GSDMC: variants seen among roughly 807,000 people sequenced by gnomAD.
GSDMC encodes gasdermin C.
GSDMC carries 59 observed loss-of-function variants against 58.0 expected under a neutral mutation model. That is an observed-to-expected ratio of 1.02 (90% CI 0.82 to 1.26). The LOEUF is 1.26. GSDMC is among the 50% of genes most tolerant of loss of function. GSDMC has a pLI of 0.00. For synonymous variants in GSDMC, 241 were observed against 220.2 expected, an observed-to-expected ratio of 1.09 and a Z score of -0.83; for missense variants, 659 against 598.5, an observed-to-expected ratio of 1.10 and a Z score of -1.06.
chr8:129,774,398 A>G (rs1263131128), intron 3 of GSDMC, among the ~76,000 whole-genome samples: 1 of 152,164 alleles, frequency 6.6e-6, no homozygotes, highest in Admixed American at 6.5e-5. Context: ...AGATCAACTC[A>G]AAGTAGATTA....
rs965924591 is a variant in GSDMC, at chr8:129,752,641, T to C, written c.844+57A>G. 7.5e-6 allele frequency: 12 copies of C among 1,595,786 alleles called. No individual in the cohort carries two copies. The African/African-American group carries it at 1.5e-4, about 20-fold the overall frequency. ...CATAAACACCAAATTTTAACAACTA[T>C]CTGCACAAAGAAAAGCATCAACATA... On this transcript the variant is annotated intron_variant, in intron 7 of 13. Coordinates refer to ENST00000276708, the MANE Select transcript of GSDMC (RefSeq NM_031415.3).
At chr8:129,735,952 A>C in the GSDMC span, among the ~76,000 whole-genome samples, 3 of 152,224 alleles carry the variant, frequency 2.0e-5, no homozygotes, top group Non-Finnish European at 4.4e-5. Flanking sequence ...AAATAGACAC[A>C]ATAAAAAATG....
At chr8:129,731,824 A>T in the GSDMC span, among the ~76,000 whole-genome samples, 21 of 152,314 alleles carry the variant, frequency 1.4e-4, no homozygotes, top group Admixed American at 3.9e-4. Context: ...CTAAAATTTT[A>T]AAAAAATATA....
chr8:129,775,111 C>T (rs913722158), intron 3 of GSDMC, among the ~76,000 whole-genome samples: 3 of 152,204 alleles, frequency 2.0e-5, no homozygotes, highest in Non-Finnish European at 2.9e-5. Context: ...CATGTCTGCA[C>T]TTCCATGTTC....
intron 3 of GSDMC, among the ~76,000 whole-genome samples, chr8:129,767,213 C>T (rs543274225): frequency 3.3e-5 from 5 of 152,076 alleles, no homozygotes; most frequent in East Asian, 1.9e-4. Flanking sequence ...CTGTGGAGCA[C>T]AGCCTCTGGC....
chr8:129,765,698 T>C lies in GSDMC; in HGVS notation c.500A>G (p.Asn167Ser), dbSNP rs201826548. 6 of 1,611,544 alleles carry C rather than the reference T, an allele frequency of 3.7e-6. No homozygotes were observed. The highest frequency in any genetic ancestry group is 4.2e-6 in the Non-Finnish European group (5 of 1,177,734). Residue 167 changes from asparagine (N) to serine (S), a missense_variant, in exon 4 of 14, where the codon AAT becomes AGT. By Grantham distance (46) the Asn-to-Ser change is conservative. Coordinates refer to ENST00000276708, the MANE Select transcript of GSDMC (RefSeq NM_031415.3). ...ACTACTGCTATCGTACAGCACAGTA[T>C]TGTTGATCAGTTCAACAGCCTCTGT... The part of the protein sequence containing the change: ...VVTEAVELIN[N>S]TVLYDSSSVN...
At chr8:129,734,197 G>T in the GSDMC span, among the ~76,000 whole-genome samples, 56 of 152,318 alleles carry the variant, frequency 3.7e-4, no homozygotes, top group Admixed American at 1.7e-3. Flanking sequence ...ATCTACATTT[G>T]ATTGGTGTAC....
chr8:129,749,334 G>C, intron 13 of GSDMC, 118 bp downstream of exon 13: 1 of 714,242 alleles, frequency 1.4e-6, no homozygotes, highest in Non-Finnish European at 2.5e-6. Context: ...GCCACCCTGT[G>C]ATCTGGACTC....
chr8:129,742,149 G>A, the GSDMC span, among the ~76,000 whole-genome samples: 3 of 151,882 alleles, frequency 2.0e-5, no homozygotes, highest in Non-Finnish European at 2.9e-5. Context: ...GACTAAGATG[G>A]GGGTTATTGA....
At chr8:129,780,535 T>A (rs552959128) in intron 1 of GSDMC, among the ~76,000 whole-genome samples, 1 of 152,026 alleles carries the variant, frequency 6.6e-6, no homozygotes, top group African/African-American at 2.4e-5. Flanking sequence ...TAGAATAATA[T>A]ATCTGGCAAA....
intron 1 of GSDMC, among the ~76,000 whole-genome samples, chr8:129,782,354 C>T (rs941445051): frequency 6.6e-6 from 1 of 151,690 alleles, no homozygotes; most frequent in Admixed American, 6.6e-5. Context: ...AAATAATAAA[C>T]AATAATGATC....
chr8:129,730,229 T>C, the GSDMC span: 14 of 1,297,968 alleles, frequency 1.1e-5, no homozygotes, highest in Non-Finnish European at 1.4e-5. Context: ...AAAGACACGA[T>C]GCTAGAAAAA....
At position 129,748,468 on chromosome 8, in the gene GSDMC, G is replaced by A; in HGVS notation, c.*33C>T. 1 of 1,565,152 alleles carries A rather than the reference G, an allele frequency of 6.4e-7. No homozygotes were observed. Among genetic ancestry groups the A allele is most frequent in the Non-Finnish European group, 8.6e-7 (1 of 1,158,110 alleles). On this transcript the variant is annotated 3_prime_UTR_variant, in exon 14 of 14. Coordinates refer to ENST00000276708, the MANE Select transcript of GSDMC (RefSeq NM_031415.3). ...CACAGCATAGACTGGGCGAGGGCCA[G>A]CATCTCTGGACTGACTGCCCATCAG...
At chr8:129,762,762 A>G (rs1367278544) in intron 4 of GSDMC, 31 bp from the exon 5 acceptor site, 2 of 1,408,460 alleles carry the variant, frequency 1.4e-6, no homozygotes, top group Admixed American at 3.4e-5. Context: ...ATACAGTATT[A>G]AATGTATGTA....
chr8:129,711,034 G>A, the GSDMC span, among the ~76,000 whole-genome samples: 234 of 152,254 alleles, frequency 1.5e-3, no homozygotes, highest in African/African-American at 5.4e-3. Flanking sequence ...GGTCTAGGAC[G>A]GATGCCTTTG....
intron 12 of GSDMC, 91 bp from the exon 13 acceptor site, chr8:129,749,616 C>G: frequency 1.1e-6 from 1 of 937,376 alleles, no homozygotes; most frequent in South Asian, 1.3e-5. Flanking sequence ...GAGAGAATAA[C>G]TCCAAGGCAG....
the GSDMC span, among the ~76,000 whole-genome samples, chr8:129,721,769 T>G: frequency 6.6e-6 from 1 of 152,160 alleles, no homozygotes; most frequent in Non-Finnish European, 1.5e-5. Context: ...AACTTTGGGT[T>G]TACATCCTAC....
At chr8:129,733,823 C>T in the GSDMC span, among the ~76,000 whole-genome samples, 1 of 152,138 alleles carries the variant, frequency 6.6e-6, no homozygotes, top group African/African-American at 2.4e-5. Context: ...TGGAGAATGA[C>T]TTTGATGACC....
chr8:129,742,102 TAG>T, the GSDMC span, among the ~76,000 whole-genome samples: 2 of 149,184 alleles, frequency 1.3e-5, no homozygotes, highest in Non-Finnish European at 3.0e-5. Context: ...CTCATAGAAA[TAG>T]AGAGTAGGAC....
Sources: gnomAD v4.1 joint callset for allele counts (sites outside exome capture counted in the v4.1 genomes callset) on GRCh38, gnomAD v4.1.1 for gene constraint, MANE v1.5 for transcripts, NCBI Gene and HGNC (gene_info 2026-07-23, HGNC 2026-07-21) for gene names.